Variants in ADPGK observed in about 807,000 individuals in gnomAD.
ADPGK encodes the protein ADP dependent glucokinase, also known as ADP-dependent glucokinase.
In ADPGK, 26 loss-of-function variants were observed where a neutral mutation model predicts 42.4. The observed-to-expected ratio is 0.61, with a 90% confidence interval of 0.45 to 0.85. ADPGK has a LOEUF of 0.85. ADPGK is among the 40% of genes least tolerant of loss of function. ADPGK has a pLI of 0.00. For missense variants in ADPGK, 571 were observed against 627.0 expected (o/e 0.91, Z 0.95); for synonymous variants, 267 against 252.6 (o/e 1.06, Z -0.54).
chr15:72,774,682 C>G (rs28582982), intron 2 of ADPGK, among the ~76,000 whole-genome samples, 190 bp downstream of exon 2: 50,249 of 151,878 alleles, frequency 0.33, 9,442 homozygotes, highest in East Asian at 0.76. Flanking sequence ...GTTTCAACAG[C>G]CTCTCCAAAT....
At chr15:72,761,626 CA>C (rs2066194170) in intron 3 of ADPGK, among the ~76,000 whole-genome samples, 2 of 152,056 alleles carry the variant, frequency 1.3e-5, no homozygotes, top group South Asian at 4.2e-4. Flanking sequence ...CTAGCAGATT[CA>C]AAACCACTGA....
At chr15:72,763,315 CTAATT>C (rs2066218535) in intron 3 of ADPGK, among the ~76,000 whole-genome samples, 2 of 143,544 alleles carry the variant, frequency 1.4e-5, no homozygotes, top group Admixed American at 6.9e-5. Context: ...CCACACTCGG[CTAATT>C]TTTTTTTTTT....
Position 72,756,317 on chromosome 15 carries a change from C to T in ADPGK, c.774G>A (p.Val258=), listed in dbSNP as rs761525654. ...CCATCATGTGCAATCCAGAGAGGAC[C>T]ACCAGGTCTGGCTGAAACTCCTCCA... ...SSLEEFQPDL[V]VLSGLHMMEG... is the part of the protein sequence containing the mutation. Residue 258 remains valine (V), a synonymous_variant, in exon 5 of 7, where the codon GTG becomes GTA. Coordinates refer to ENST00000456471, the MANE Select transcript of ADPGK (RefSeq NM_001365225.1). 3.1e-6 allele frequency: 5 copies of T among 1,614,212 alleles called. No homozygotes were observed. The highest frequency in any genetic ancestry group is 4.2e-6 in the Non-Finnish European group (5 of 1,180,032).
chr15:72,777,542 G>A (rs2066405122), intron 1 of ADPGK, among the ~76,000 whole-genome samples: 1 of 152,108 alleles, frequency 6.6e-6, no homozygotes, highest in African/African-American at 2.4e-5. Flanking sequence ...GCTGGGTGTG[G>A]TGGTGGACAC....
intron 4 of ADPGK, among the ~76,000 whole-genome samples, chr15:72,759,973 A>G: frequency 6.6e-6 from 1 of 152,246 alleles, no homozygotes; most frequent in East Asian, 1.9e-4. Flanking sequence ...GAAACTTGCC[A>G]GAAGCTTGGA....
chr15:72,761,852 C>T (rs113982586), intron 3 of ADPGK, among the ~76,000 whole-genome samples: 1,615 of 152,134 alleles, frequency 0.011, 34 homozygotes, highest in African/African-American at 0.037. Context: ...GCATAAGCCA[C>T]ACCACCTGGC....
Position 72,752,288 on chromosome 15 carries a change from T to C in ADPGK, c.*53A>G. ...CTTCCAAACCACTTTCTTCCTGTAA[T>C]TCTTAAGTTGGCTAGTTCTCCTTCC... On this transcript the variant is annotated 3_prime_UTR_variant, in exon 7 of 7. Coordinates refer to ENST00000456471, the MANE Select transcript of ADPGK (RefSeq NM_001365225.1). 2 of 1,521,102 alleles carry C rather than the reference T, an allele frequency of 1.3e-6. No individual in the cohort carries two copies. Among genetic ancestry groups the C allele is most frequent in the Non-Finnish European group, 1.8e-6 (2 of 1,129,460 alleles). 94.2% of individuals were successfully genotyped at this position (1,521,102 alleles called of 1,614,324 possible).
At position 72,755,630 on chromosome 15, in the gene ADPGK, G is replaced by A; in HGVS notation, c.865C>T (p.Pro289Ser). The part of the protein sequence containing the change: ...LEVVTSISDI[P>S]TGIPVHLELA... ...TCTAGGTGAACTGGAATACCAGTGGGGATGTCAGAAATGGAGGTTACAACC... is the reference window on the plus strand; with the variant it reads ...TCTAGGTGAACTGGAATACCAGTGGAGATGTCAGAAATGGAGGTTACAACC... The change falls in exon 6 of 7, where the codon CCC becomes TCC. Residue 289 changes from proline (P) to serine (S), a missense_variant. Pro to Ser is a moderately conservative substitution (Grantham distance 74). Around this residue, in one of 2 missense-constraint regions of ADPGK, gnomAD observed 434 missense variants for 522.7 expected, o/e 0.83. Coordinates refer to ENST00000456471, the MANE Select transcript of ADPGK (RefSeq NM_001365225.1). 4.3e-6 allele frequency: 7 copies of A among 1,613,922 alleles called. No individual in the cohort carries two copies. Among genetic ancestry groups the A allele is most frequent in the Non-Finnish European group, 5.9e-6 (7 of 1,179,808 alleles).
Position 72,783,661 on chromosome 15 carries a change from C to A in ADPGK, c.31G>T (p.Gly11Cys), listed in dbSNP as rs1184694885. The A allele has an allele frequency of 6.6e-7, 1 of 1,506,702 alleles. No homozygotes were observed. The highest frequency in any genetic ancestry group is 8.8e-7 in the Non-Finnish European group (1 of 1,135,136). 93.3% of individuals were successfully genotyped at this position (1,506,702 alleles called of 1,614,324 possible). Reference protein sequence around the residue: MALWRGSAYAGFLALAVGCVF... With the variant: MALWRGSAYACFLALAVGCVF... ...CAGCCCACGGCCAGCGCCAGGAAGCCCGCGTACGCGGAGCCGCGCCACAGC... is the reference window on the plus strand; with the variant it reads ...CAGCCCACGGCCAGCGCCAGGAAGCACGCGTACGCGGAGCCGCGCCACAGC... The change falls in exon 1 of 7, where the codon GGC becomes TGC. Residue 11 changes from glycine (G) to cysteine (C), a missense_variant. Coordinates refer to ENST00000456471, the MANE Select transcript of ADPGK (RefSeq NM_001365225.1).
intron 1 of ADPGK, among the ~76,000 whole-genome samples, chr15:72,781,728 G>T (rs1282152056): frequency 3.3e-5 from 5 of 152,160 alleles, no homozygotes. Flanking sequence ...GTCCTCGTGG[G>T]TTGTTCCTCT....
intron 1 of ADPGK, 61 bp from the exon 2 acceptor site, chr15:72,775,158 T>C (rs1248599143): frequency 3.6e-6 from 5 of 1,406,232 alleles, no homozygotes; most frequent in Non-Finnish European, 5.0e-6. Flanking sequence ...ATTTTGCATT[T>C]AACAAAAGGA....
intron 4 of ADPGK, chr15:72,758,305 C>T: frequency 1.4e-6 from 1 of 694,994 alleles, no homozygotes; most frequent in South Asian, 1.5e-5. Flanking sequence ...TAAGCAATCT[C>T]TTCTCAATGT....
In ADPGK at chr15:72,755,546, A is replaced by C. The variant is rs775848754; in HGVS notation, c.939+10T>G. ...AGGATCAGGGCCAAACGATGGTCCCATGAGGTTACCTGATGGACAATGCTG... is the reference window on the plus strand; with the variant it reads ...AGGATCAGGGCCAAACGATGGTCCCCTGAGGTTACCTGATGGACAATGCTG... On this transcript the variant is annotated intron_variant, in intron 6 of 6. Transcript: ENST00000456471. 1 of 1,608,472 alleles carries C rather than the reference A, an allele frequency of 6.2e-7. No homozygotes were observed. The highest frequency in any genetic ancestry group is 1.1e-5 in the South Asian group (1 of 90,840).
intron 1 of ADPGK, among the ~76,000 whole-genome samples, chr15:72,781,054 C>T (rs918575118): frequency 5.9e-5 from 9 of 152,126 alleles, no homozygotes; most frequent in African/African-American, 1.2e-4. Context: ...AGTGTGAATA[C>T]GAGTGTGTCT....
rs370502608 is a variant in ADPGK, at chr15:72,755,631, G to A, written c.864C>T (p.Ile288=). 150 of 1,613,790 alleles carry A rather than the reference G, an allele frequency of 9.3e-5. No homozygotes were observed. Among genetic ancestry groups the A allele is most frequent in the Non-Finnish European group, 1.2e-4 (138 of 1,179,806 alleles). ...CTAGGTGAACTGGAATACCAGTGGG[G>A]ATGTCAGAAATGGAGGTTACAACCT... The part of the protein sequence containing the change: ...LLEVVTSISD[I]PTGIPVHLEL... The change falls in exon 6 of 7, where the codon ATC becomes ATT. Residue 288 remains isoleucine (I), a synonymous_variant. Transcript: ENST00000456471.
intron 1 of ADPGK, among the ~76,000 whole-genome samples, chr15:72,780,422 C>T (rs541509695): frequency 1.3e-5 from 2 of 152,296 alleles, no homozygotes; most frequent in East Asian, 3.9e-4. Flanking sequence ...TGGTCTCTCC[C>T]TTGATTAGCT....
At chr15:72,769,005 A>C (rs1018155558) in intron 3 of ADPGK, among the ~76,000 whole-genome samples, 14 of 151,556 alleles carry the variant, frequency 9.2e-5, no homozygotes, top group African/African-American at 3.4e-4. Context: ...AAGAGGGGGA[A>C]ACACTTTCCA....
At chr15:72,756,621 C>T (rs1472192265) in intron 4 of ADPGK, 174 bp from the exon 5 acceptor site, 7 of 669,872 alleles carry the variant, frequency 1.0e-5, no homozygotes, top group Non-Finnish European at 1.7e-5. Context: ...AAGAAACAAA[C>T]CAAAAACCTA....
intron 6 of ADPGK, among the ~76,000 whole-genome samples, chr15:72,755,207 G>A (rs1244288218): frequency 2.0e-5 from 3 of 152,222 alleles, no homozygotes; most frequent in East Asian, 1.9e-4. Context: ...AGGAAGGAGG[G>A]AGGTTCCCTC....
Sources: gnomAD v4.1 joint callset for allele counts (sites outside exome capture counted in the v4.1 genomes callset) on GRCh38, gnomAD v4.1.1 for gene constraint, gnomAD v4.1.1 regional missense constraint, MANE v1.5 for transcripts, NCBI Gene and HGNC (gene_info 2026-07-23, HGNC 2026-07-21) for gene names.